Variants in ACKR2 observed in about 807,000 individuals in gnomAD.
ACKR2 encodes atypical chemokine receptor 2.
For missense variants in ACKR2, 457 were observed against 477.3 expected (o/e 0.96, Z 0.40); for synonymous variants, 207 against 192.2 (o/e 1.08, Z -0.64).
intron 2 of ACKR2, among the ~76,000 whole-genome samples, chr3:42,825,799 A>G (rs1700856687): frequency 6.6e-6 from 1 of 150,756 alleles, no homozygotes; most frequent in Non-Finnish European, 1.5e-5. Flanking sequence ...GATCTGAGGT[A>G]GGGAGGGGGA....
intron 2 of ACKR2, among the ~76,000 whole-genome samples, chr3:42,821,854 G>C (rs552603199): frequency 1.3e-5 from 2 of 151,808 alleles, no homozygotes; most frequent in African/African-American, 4.8e-5. Context: ...CCACTACCAC[G>C]CCCGGCTAAT....
chr3:42,864,101 A>G (rs1202937543), intron 2 of ACKR2, among the ~76,000 whole-genome samples: 1 of 152,252 alleles, frequency 6.6e-6, no homozygotes, highest in Non-Finnish European at 1.5e-5. Context: ...GACACATTAA[A>G]TAGATGAATT....
At chr3:42,839,572 T>C (rs770563740) in intron 2 of ACKR2, among the ~76,000 whole-genome samples, 15 of 152,164 alleles carry the variant, frequency 9.9e-5, no homozygotes, top group Non-Finnish European at 1.2e-4. Context: ...CAAAAGAATA[T>C]GTTCTATACG....
intron 2 of ACKR2, among the ~76,000 whole-genome samples, chr3:42,847,164 G>A (rs1231350821): frequency 2.0e-5 from 3 of 152,184 alleles, no homozygotes; most frequent in Non-Finnish European, 2.9e-5. Context: ...AAGATATTTT[G>A]ATAAATGAAT....
chr3:42,851,825 C>T (rs1701163457), intron 2 of ACKR2, among the ~76,000 whole-genome samples: 1 of 152,156 alleles, frequency 6.6e-6, no homozygotes, highest in Non-Finnish European at 1.5e-5. Context: ...TTAAGGGCCT[C>T]TCTCCCAGGG....
rs1476482373 is a variant in ACKR2, at chr3:42,852,081, C to T, written c.-37-12385C>T. On this transcript the variant is annotated intron_variant, in intron 2 of 2. Transcript: ENST00000422265. This position sits in a 1 kb window ranked among gnomAD's most constrained non-coding sequence, Gnocchi z 4.3. ...AGGCCCTTAGTTTACCATAATAACCCTGCAAGGGAGGCAGATTATAGGTGA... is the reference window on the plus strand; with the variant it reads ...AGGCCCTTAGTTTACCATAATAACCTTGCAAGGGAGGCAGATTATAGGTGA... Among the ~76,000 whole-genome samples the T allele has an allele frequency of 2.0e-5, 3 of 152,192 alleles. No homozygotes were observed. The highest frequency in any genetic ancestry group is 7.2e-5 in the African/African-American group (3 of 41,446).
At chr3:42,836,398 TCTTA>T (rs1381715505) in intron 2 of ACKR2, among the ~76,000 whole-genome samples, 1 of 152,180 alleles carries the variant, frequency 6.6e-6, no homozygotes, top group African/African-American at 2.4e-5. Flanking sequence ...CCAAGAGGTT[TCTTA>T]CTTGTCTGTT....
At chr3:42,858,125 C>A (rs896225638) in intron 2 of ACKR2, among the ~76,000 whole-genome samples, 2 of 152,228 alleles carry the variant, frequency 1.3e-5, no homozygotes, top group Non-Finnish European at 2.9e-5. Flanking sequence ...TCCTGCCTGC[C>A]GGCTCTGAAG....
chr3:42,827,546 C>G (rs1259771970), intron 2 of ACKR2, among the ~76,000 whole-genome samples: 2 of 152,046 alleles, frequency 1.3e-5, no homozygotes, highest in African/African-American at 2.4e-5. Context: ...GGTTATTGAG[C>G]ACTTTGTCAA....
At chr3:42,863,237 A>T (rs893423983) in intron 2 of ACKR2, among the ~76,000 whole-genome samples, 4 of 152,240 alleles carry the variant, frequency 2.6e-5, no homozygotes, top group Admixed American at 2.0e-4. Context: ...TATGCAGTCA[A>T]CAAACATATG....
intron 1 of ACKR2, among the ~76,000 whole-genome samples, chr3:42,811,714 G>A (rs534762361): frequency 2.0e-5 from 3 of 152,150 alleles, no homozygotes; most frequent in African/African-American, 4.8e-5. Flanking sequence ...GGAATGTCTC[G>A]GTGTAAAACC....
At chr3:42,834,083 C>T (rs1294937147) in intron 2 of ACKR2, among the ~76,000 whole-genome samples, 4 of 152,158 alleles carry the variant, frequency 2.6e-5, no homozygotes, top group Admixed American at 6.5e-5. Context: ...CTCAGCCTCC[C>T]GAGTAGCTGG....
chr3:42,844,385 C>T (rs534583636), intron 2 of ACKR2, among the ~76,000 whole-genome samples: 1 of 151,974 alleles, frequency 6.6e-6, no homozygotes, highest in African/African-American at 2.4e-5. Flanking sequence ...AGTTATTCCA[C>T]CCAAGGGCAA....
chr3:42,845,443 C>T (rs1167819040), intron 2 of ACKR2, among the ~76,000 whole-genome samples: 1 of 152,106 alleles, frequency 6.6e-6, no homozygotes, highest in Non-Finnish European at 1.5e-5. Context: ...CTCACTGTAA[C>T]CTCCACCTCC....
intron 2 of ACKR2, among the ~76,000 whole-genome samples, chr3:42,824,013 T>C (rs531264928): frequency 6.6e-6 from 1 of 152,320 alleles, no homozygotes; most frequent in South Asian, 2.1e-4. Flanking sequence ...ATGCACAAAA[T>C]TATTGTATGA....
In ACKR2 at chr3:42,831,311, C is replaced by A. The variant is rs199591973; in HGVS notation, c.-38+11600C>A. Among the ~76,000 whole-genome samples, 18 of 152,344 alleles carry A rather than the reference C, an allele frequency of 1.2e-4. No individual in the cohort carries two copies. The East Asian group carries it at 2.1e-3, about 18-fold the overall frequency. Reference sequence around the variant, plus strand: ...TATCCCAAGAGCAAAACAGCAGACCCCCCACCTTTAAAGGAGGTGTACCTT... The same window carrying A: ...TATCCCAAGAGCAAAACAGCAGACCACCCACCTTTAAAGGAGGTGTACCTT... On this transcript the variant is annotated intron_variant, in intron 2 of 2. Coordinates refer to ENST00000422265, the MANE Select transcript of ACKR2 (RefSeq NM_001296.5).
chr3:42,834,726 C>T (rs1393237380), intron 2 of ACKR2: 1 of 151,916 alleles, frequency 6.6e-6, no homozygotes. Context: ...TACAGGTGCG[C>T]ACCACCATGC....
At chr3:42,817,720 C>T (rs1196050943) in intron 1 of ACKR2, among the ~76,000 whole-genome samples, 1 of 152,182 alleles carries the variant, frequency 6.6e-6, no homozygotes, top group Admixed American at 6.5e-5. Context: ...TTCCCCCCAA[C>T]CCAGCTCTCT....
chr3:42,834,963 G>A (rs1037947634), intron 2 of ACKR2, among the ~76,000 whole-genome samples: 1 of 152,012 alleles, frequency 6.6e-6, no homozygotes, highest in Non-Finnish European at 1.5e-5. Flanking sequence ...TCGGCTCACT[G>A]CAGCCTCTGC....
Sources: allele counts gnomAD v4.1 joint callset (sites outside exome capture counted in the v4.1 genomes callset), GRCh38; gene constraint gnomAD v4.1.1; non-coding constraint Gnocchi (gnomAD v3.1); transcripts MANE v1.5; gene names NCBI Gene and HGNC (gene_info 2026-07-23, HGNC 2026-07-21).